The following PLAAT1 variants were observed in gnomAD, a reference collection of about 807,000 sequenced individuals.
PLAAT1 encodes the protein phospholipase A and acyltransferase 1.
PLAAT1 carries 13 observed loss-of-function variants against 16.4 expected under a neutral mutation model. The ratio of observed to expected loss-of-function variants is 0.79; its 90% CI spans 0.52 to 1.26. The LOEUF is 1.26. PLAAT1 is among the 50% of genes most tolerant of loss of function. The probability of loss-of-function intolerance (pLI) is 0.00; values close to 1 mark genes in which losing one functional copy is unlikely to be tolerated. For missense variants in PLAAT1, 218 were observed against 207.8 expected (o/e 1.05, Z -0.30); for synonymous variants, 73 against 78.4 (o/e 0.93, Z 0.36).
chr3:193,255,594 C>T, intron 1 of PLAAT1, 57 bp from the exon 2 acceptor site: 2 of 1,528,648 alleles, frequency 1.3e-6, no homozygotes, highest in Middle Eastern at 1.8e-4. Context: ...ATGTCTTAAA[C>T]TGATTTTCTT....
chr3:193,240,654 CGTGTGTGTGTGT>C (rs370008875), upstream of PLAAT1, among the ~76,000 whole-genome samples: 5 of 88,570 alleles, frequency 5.6e-5, no homozygotes, highest in Admixed American at 1.2e-4. Flanking sequence ...GGCTATCTGG[CGTGTGTGTGTGT>C]GTGTGTGTGT....
chr3:193,263,629 C>A (rs1384255242), intron 3 of PLAAT1, among the ~76,000 whole-genome samples: 1 of 152,144 alleles, frequency 6.6e-6, no homozygotes, highest in Non-Finnish European at 1.5e-5. Context: ...AATGGTTATT[C>A]TTAAATTATT....
In PLAAT1 at chr3:193,255,662, T is replaced by C; in HGVS notation, c.12T>C (p.Asn4=). 3 of 1,608,020 alleles carry C rather than the reference T, an allele frequency of 1.9e-6. No individual in the cohort carries two copies. Among genetic ancestry groups the C allele is most frequent in the Middle Eastern group, 3.3e-4 (2 of 6,016 alleles). The part of the protein sequence containing the change: MAF[N]DCFSLNYPGN... ...ATTTGTCATTGCAGATGGCGTTTAATGATTGCTTCAGTTTGAACTACCCTG... is the reference window on the plus strand; with the variant it reads ...ATTTGTCATTGCAGATGGCGTTTAACGATTGCTTCAGTTTGAACTACCCTG... The change falls in exon 2 of 4, where the codon AAT becomes AAC. Residue 4 remains asparagine (N), a synonymous_variant. Transcript: ENST00000264735.
chr3:193,276,956 C>T lies in PLAAT1; in HGVS notation c.*60-680C>T, dbSNP rs909140605. On this transcript the variant is annotated intron_variant and NMD_transcript_variant, in intron 2 of 2. Coordinates refer to the PLAAT1 transcript ENST00000416012. Reference sequence around the variant, plus strand: ...GCTTAGTGGTGGGCATTACTTTGTCCCTTTACAGATAATACAACTGAAGGA... The same window carrying T: ...GCTTAGTGGTGGGCATTACTTTGTCTCTTTACAGATAATACAACTGAAGGA... 7.0e-6 allele frequency: 5 copies of T among 710,708 alleles called. No individual in the cohort carries two copies. In the African/African-American group the frequency reaches 9.0e-5, roughly 13 times the overall value. 44.0% of individuals were successfully genotyped at this position (710,708 alleles called of 1,614,324 possible). A position where few individuals can be genotyped will look rare whatever the true frequency, so the allele number is the denominator to read the frequency against.
At chr3:193,269,537 G>A (rs1246985985) in intron 3 of PLAAT1, among the ~76,000 whole-genome samples, 4 of 152,134 alleles carry the variant, frequency 2.6e-5, no homozygotes, top group Non-Finnish European at 4.4e-5. Flanking sequence ...ATACGTGGGT[G>A]GCAGGTTCCA....
At chr3:193,255,574 G>A (rs1185597371) in intron 1 of PLAAT1, 77 bp from the exon 2 acceptor site, 2 of 1,375,444 alleles carry the variant, frequency 1.5e-6, no homozygotes, top group Admixed American at 2.1e-5. Context: ...GTATCATTCT[G>A]CTTTTATGGA....
At chr3:193,256,095 CAA>C (rs1019166707) in intron 2 of PLAAT1, among the ~76,000 whole-genome samples, 13 of 152,246 alleles carry the variant, frequency 8.5e-5, no homozygotes, top group African/African-American at 3.1e-4. Context: ...ATGTTTCACA[CAA>C]ATAGGTTATT....
chr3:193,245,841 A>G (rs2108778651), intron 1 of PLAAT1, among the ~76,000 whole-genome samples: 1 of 152,238 alleles, frequency 6.6e-6, no homozygotes, highest in South Asian at 2.1e-4. Flanking sequence ...TTCTTTTGTA[A>G]AATGTCTGTT....
In PLAAT1 at chr3:193,241,314, C is replaced by T; in HGVS notation, c.-220C>T. The T allele has an allele frequency of 4.1e-6, 5 of 1,231,144 alleles. No homozygotes were observed. The highest frequency in any genetic ancestry group is 1.6e-5 in the African/African-American group (1 of 64,502). The allele number at this position is 1,231,144 out of a possible 1,614,324, so 76.3% of individuals were successfully genotyped here. A position where few individuals can be genotyped will look rare whatever the true frequency, so the allele number is the denominator to read the frequency against. ...GGGCGTCTCAGAGCCGCGGAGGGGC[C>T]GCCGGGACCGTTTCAGCGTGGCGGC... On this transcript the variant is annotated 5_prime_UTR_variant, in exon 1 of 4. Transcript: ENST00000264735.
intron 2 of PLAAT1, among the ~76,000 whole-genome samples, chr3:193,256,009 A>C (rs1371631406): frequency 1.3e-5 from 2 of 152,260 alleles, no homozygotes; most frequent in African/African-American, 4.8e-5. Context: ...CTCTGGATTT[A>C]AAAAATCACA....
intron 1 of PLAAT1, among the ~76,000 whole-genome samples, chr3:193,248,287 T>C (rs1377026212): frequency 6.6e-6 from 1 of 152,120 alleles, no homozygotes; most frequent in Non-Finnish European, 1.5e-5. Flanking sequence ...TCAGCTTATA[T>C]GTGTTCTTAA....
At chr3:193,251,129 C>T (rs920372098) in intron 1 of PLAAT1, among the ~76,000 whole-genome samples, 3 of 152,104 alleles carry the variant, frequency 2.0e-5, no homozygotes, top group Non-Finnish European at 4.4e-5. Flanking sequence ...TACAGGAATG[C>T]CCTTTTTGCT....
chr3:193,267,161 A>C (rs937552509), intron 3 of PLAAT1, among the ~76,000 whole-genome samples: 2 of 152,200 alleles, frequency 1.3e-5, no homozygotes, highest in African/African-American at 4.8e-5. Context: ...AATATGTCAC[A>C]TCATTACCAT....
At chr3:193,241,936 C>A (rs1420822365) in intron 1 of PLAAT1, among the ~76,000 whole-genome samples, 2 of 152,142 alleles carry the variant, frequency 1.3e-5, no homozygotes, top group African/African-American at 4.8e-5. Flanking sequence ...TTCCTCATTC[C>A]TTCATTCAAT....
At chr3:193,269,459 G>T (rs1476788691) in intron 3 of PLAAT1, among the ~76,000 whole-genome samples, 1 of 152,142 alleles carries the variant, frequency 6.6e-6, no homozygotes, top group Non-Finnish European at 1.5e-5. Flanking sequence ...CCTCTTTCCT[G>T]GCCCTGGCCC....
downstream of PLAAT1, chr3:193,277,823 A>C (rs1207853263): frequency 6.6e-6 from 1 of 152,050 alleles, no homozygotes; most frequent in African/African-American, 2.4e-5. Flanking sequence ...TTGATTTTGA[A>C]TTATTTGTTT....
At chr3:193,266,991 G>A (rs935661390) in intron 3 of PLAAT1, among the ~76,000 whole-genome samples, 1 of 138,254 alleles carries the variant, frequency 7.2e-6, no homozygotes, top group East Asian at 2.3e-4. Flanking sequence ...GAGAAGGGTA[G>A]GATTATGATT....
downstream of PLAAT1, chr3:193,275,074 G>A: frequency 6.2e-7 from 1 of 1,614,200 alleles, no homozygotes; most frequent in Non-Finnish European, 8.5e-7. Flanking sequence ...TGTTCTGTGG[G>A]TTGGCCTCCC....
At chr3:193,259,854 C>G (rs1189886540) in intron 2 of PLAAT1, among the ~76,000 whole-genome samples, 1 of 152,010 alleles carries the variant, frequency 6.6e-6, no homozygotes, top group Admixed American at 6.6e-5. Flanking sequence ...CCATTCTTCA[C>G]AGAATTAGAA....
Sources: gnomAD v4.1 joint callset for allele counts (sites outside exome capture counted in the v4.1 genomes callset) on GRCh38, gnomAD v4.1.1 for gene constraint, MANE v1.5 for transcripts, NCBI Gene and HGNC (gene_info 2026-07-23, HGNC 2026-07-21) for gene names.